Variants in DNAH11 observed in about 807,000 individuals in gnomAD.
The protein encoded by DNAH11 is axonemal beta dynein heavy chain 11.
DNAH11 carries 442 observed loss-of-function variants against 526.0 expected under a neutral mutation model. The ratio of observed to expected loss-of-function variants is 0.84; its 90% confidence interval spans 0.78 to 0.91. DNAH11 has a LOEUF of 0.91. DNAH11 is among the 40% of genes least tolerant of loss of function. The probability of loss-of-function intolerance (pLI) is 0.00; values close to 1 mark genes in which losing one functional copy is unlikely to be tolerated. For missense variants in DNAH11, 6,989 were observed against 5,448.7 expected (o/e 1.28, Z -8.90); for synonymous variants, 2,461 against 1,935.9 (o/e 1.27, Z -7.12).
At chr7:21,720,507 A>AATAGTTT (rs1562508258) in intron 43 of DNAH11, among the ~76,000 whole-genome samples, 2 of 152,156 alleles carry the variant, frequency 1.3e-5, no homozygotes, top group Admixed American at 1.3e-4. Context: ...GTTTTTAAAA[A>AATAGTTT]ATAGTTTATT....
intron 29 of DNAH11, among the ~76,000 whole-genome samples, chr7:21,656,323 C>G (rs1782014500): frequency 6.6e-6 from 1 of 152,148 alleles, no homozygotes; most frequent in African/African-American, 2.4e-5. Flanking sequence ...GTTTTCACCA[C>G]TGCTCGGAGA....
rs575454505 is a variant in DNAH11, at chr7:21,649,445, A to G, written c.4945-6387A>G. On this transcript the variant is annotated intron_variant, in intron 28 of 81. Transcript: ENST00000409508. Reference sequence around the variant, plus strand: ...TTATATATTGTATTGTCTTTATACAATGGAATACCACATAGCAATAAAAAT... The same window carrying G: ...TTATATATTGTATTGTCTTTATACAGTGGAATACCACATAGCAATAAAAAT... Among the ~76,000 whole-genome samples, 20 of 152,330 alleles carry G rather than the reference A, an allele frequency of 1.3e-4. 1 individual carries two copies. The highest frequency in any genetic ancestry group is 1.9e-4 in the African/African-American group (8 of 41,578).
intron 70 of DNAH11, among the ~76,000 whole-genome samples, chr7:21,865,140 A>G (rs1054237027): frequency 3.9e-5 from 6 of 152,150 alleles, no homozygotes; most frequent in Non-Finnish European, 4.4e-5. Context: ...TTAAACCTCA[A>G]TTATCAATCC....
Position 21,818,245 on chromosome 7 carries a change from G to T in DNAH11, c.10597G>T (p.Ala3533Ser). 1 of 1,611,830 alleles carries T rather than the reference G, an allele frequency of 6.2e-7. No homozygotes were observed. Among genetic ancestry groups the T allele is most frequent in the Non-Finnish European group, 8.5e-7 (1 of 1,178,898 alleles). ...GFLNAIETAL[A>S]FGDVILIENL... ...TTTGAATGCCATTGAAACTGCTTTG[G>T]CCTTTGGTGATGTCATCTTAATTGA... is the stretch of plus-strand genomic sequence containing the variant. The change falls in exon 65 of 82, where the codon GCC becomes TCC. Residue 3533 changes from alanine to serine, a missense_variant. By Grantham distance (99) the Ala-to-Ser change is moderately conservative (BLOSUM62 1). Coordinates refer to ENST00000409508, the MANE Select transcript of DNAH11 (RefSeq NM_001277115.2).
intron 63 of DNAH11, among the ~76,000 whole-genome samples, chr7:21,813,281 G>C (rs1248876781): frequency 6.6e-6 from 1 of 152,194 alleles, no homozygotes; most frequent in African/African-American, 2.4e-5. Flanking sequence ...GCAGTTTATA[G>C]ACAGAGCAAA....
chr7:21,651,508 G>A (rs774784297), intron 28 of DNAH11, among the ~76,000 whole-genome samples: 1 of 152,128 alleles, frequency 6.6e-6, no homozygotes, highest in Non-Finnish European at 1.5e-5. Flanking sequence ...AATTATAGGC[G>A]CGTGCCACTT....
At chr7:21,635,735 A>G in intron 25 of DNAH11, 136 bp from the exon 26 acceptor site, 1 of 615,076 alleles carries the variant, frequency 1.6e-6, no homozygotes, top group Admixed American at 3.4e-5. Flanking sequence ...GCAAAAACTT[A>G]TTAAATGCCA....
Position 21,619,089 on chromosome 7 carries a change from C to A in DNAH11, c.4255-11C>A. 1 of 1,612,134 alleles carries A rather than the reference C, an allele frequency of 6.2e-7. No homozygotes were observed. Among genetic ancestry groups the A allele is most frequent in the Non-Finnish European group, 8.5e-7 (1 of 1,179,126 alleles). On this transcript the variant is annotated splice_polypyrimidine_tract_variant and intron_variant, in intron 23 of 81. Coordinates refer to ENST00000409508, the MANE Select transcript of DNAH11 (RefSeq NM_001277115.2). ...TGGAATATAAAGTCTAACTTTTTTT[C>A]CCCCAATCAGGTCAAGTTTTTAATA...
At chr7:21,784,634 A>G in intron 58 of DNAH11, 94 bp downstream of exon 58, 1 of 800,054 alleles carries the variant, frequency 1.2e-6, no homozygotes, top group Non-Finnish European at 1.9e-6. Flanking sequence ...AGCCCATTAC[A>G]GCCAAAAAGT....
At chr7:21,789,789 C>CT (rs1356149541) in intron 61 of DNAH11, among the ~76,000 whole-genome samples, 1 of 92,466 alleles carries the variant, frequency 1.1e-5, no homozygotes, top group Non-Finnish European at 2.1e-5. Context: ...TTCTTTCTTT[C>CT]TTTCTTTCTT....
intron 45 of DNAH11, among the ~76,000 whole-genome samples, chr7:21,731,561 G>A (rs1436323210): frequency 1.3e-5 from 2 of 152,158 alleles, no homozygotes; most frequent in South Asian, 2.1e-4. Context: ...TCTATTTTCT[G>A]AAACTGGTTG....
chr7:21,730,203 A>G (rs1328231575), intron 45 of DNAH11, among the ~76,000 whole-genome samples: 1 of 152,218 alleles, frequency 6.6e-6, no homozygotes, highest in Non-Finnish European at 1.5e-5. Context: ...ACTAGTCACA[A>G]TAGCCAAGAT....
At chr7:21,811,001 A>G (rs1284760745) in intron 63 of DNAH11, among the ~76,000 whole-genome samples, 3 of 152,252 alleles carry the variant, frequency 2.0e-5, no homozygotes, top group Non-Finnish European at 4.4e-5. Context: ...TAGCAGCACT[A>G]TTCACATTAG....
chr7:21,696,572 C>A (rs1783861400), intron 35 of DNAH11, among the ~76,000 whole-genome samples: 1 of 152,006 alleles, frequency 6.6e-6, no homozygotes. Context: ...TATTTGTGAC[C>A]CAATTTATCT....
rs370125815 is a variant in DNAH11 at position 21,564,158 on chromosome 7, C to T, written c.983-28C>T. The T allele has an allele frequency of 5.7e-6, 8 of 1,398,448 alleles. No individual in the cohort carries two copies. The East Asian group carries it at 1.7e-4, about 30-fold the overall frequency. The allele number at this position is 1,398,448 out of a possible 1,614,324, so 86.6% of individuals were successfully genotyped here. On this transcript the variant is annotated intron_variant, in intron 5 of 81. Coordinates refer to ENST00000409508, the MANE Select transcript of DNAH11 (RefSeq NM_001277115.2). ...AAAAAAAAAAAAAACAAACCAGAAT[C>T]ACGTTAATGGTGGTTCTTTGCTTTC...
chr7:21,618,398 C>G (rs543083245), intron 23 of DNAH11: 3 of 152,682 alleles, frequency 2.0e-5, no homozygotes, highest in Non-Finnish European at 2.9e-5. Context: ...TAGCAAAAGC[C>G]GGAAAGAAAA....
chr7:21,694,935 T>C (rs1418340861), intron 35 of DNAH11, among the ~76,000 whole-genome samples: 1 of 152,248 alleles, frequency 6.6e-6, no homozygotes, highest in Non-Finnish European at 1.5e-5. Context: ...TTGATTTCCA[T>C]TTCTCTAATG....
At chr7:21,772,070 C>T (rs899429239) in intron 55 of DNAH11, among the ~76,000 whole-genome samples, 4 of 152,100 alleles carry the variant, frequency 2.6e-5, no homozygotes, top group South Asian at 2.1e-4. Flanking sequence ...TGTTCTGGAA[C>T]GATTAGAGTT....
Position 21,810,768 on chromosome 7 carries a change from G to A in DNAH11, c.10332+2719G>A, listed in dbSNP as rs77404793. On this transcript the variant is annotated intron_variant, in intron 63 of 81. Coordinates refer to ENST00000409508, the MANE Select transcript of DNAH11 (RefSeq NM_001277115.2). ...CAGGTAAGCCAGAAAGAAAGGAGGTGAGGAAAGTCAAGCAGTGACTAGCAG... is the reference window on the plus strand; with the variant it reads ...CAGGTAAGCCAGAAAGAAAGGAGGTAAGGAAAGTCAAGCAGTGACTAGCAG... Among the ~76,000 whole-genome samples the A allele has an allele frequency of 9.4e-3, 1,432 of 152,210 alleles. 36 individuals carry two copies. Among genetic ancestry groups the A allele is most frequent in the African/African-American group, 0.031 (1,274 of 41,526 alleles).
Sources: allele counts gnomAD v4.1 joint callset (sites outside exome capture counted in the v4.1 genomes callset), GRCh38; gene constraint gnomAD v4.1.1; transcripts MANE v1.5; gene names NCBI Gene and HGNC (gene_info 2026-07-23, HGNC 2026-07-21).